The following SRGAP3 variants were observed in gnomAD, a reference collection of about 807,000 sequenced individuals.
SRGAP3 encodes the protein SLIT-ROBO Rho GTPase activating protein 3.
A neutral mutation model predicts 121.1 loss-of-function variants in SRGAP3; 39 were observed. That is an observed-to-expected ratio of 0.32 (90% CI 0.25 to 0.42). The LOEUF is 0.42. Among genes scored for constraint, SRGAP3 ranks in the 10% least tolerant of loss-of-function variants. The pLI is 1.00. For missense variants in SRGAP3, 1,213 were observed against 1,470.6 expected, an observed-to-expected ratio of 0.82 and a Z score of 2.86; for synonymous variants, 601 against 570.0, an observed-to-expected ratio of 1.05 and a Z score of -0.77.
chr3:9,268,296 G>GTCTCTC (rs71626912), intron 3 of SRGAP3, among the ~76,000 whole-genome samples: 25,518 of 147,488 alleles, frequency 0.17, 2,594 homozygotes, highest in Non-Finnish European at 0.24. Flanking sequence ...AGAGAGAAGA[G>GTCTCTC]TCTCTCTCTC....
intron 1 of SRGAP3, among the ~76,000 whole-genome samples, chr3:9,139,884 C>G (rs912786200): frequency 1.3e-5 from 2 of 152,070 alleles, no homozygotes; most frequent in African/African-American, 4.8e-5. Context: ...GCAAGATTTG[C>G]ATGATCTAGA....
chr3:9,105,375 C>T (rs1045710979), intron 2 of SRGAP3, among the ~76,000 whole-genome samples: 15 of 152,102 alleles, frequency 9.9e-5, no homozygotes, highest in African/African-American at 3.6e-4. Context: ...GGGAAAGGGG[C>T]TAGGAGGGCT....
intron 2 of SRGAP3, among the ~76,000 whole-genome samples, chr3:9,121,998 G>C (rs1235415115): frequency 6.6e-6 from 1 of 152,172 alleles, no homozygotes; most frequent in Non-Finnish European, 1.5e-5. Context: ...AGGCCAAGGA[G>C]GCAGAGAAGA....
Position 9,173,511 on chromosome 3 carries a change from G to A in SRGAP3, c.68-48594C>T, listed in dbSNP as rs1182273712. ...AGCTGAGCAAAGAGGCAGTTTGAATGAACTAGAATAAGAGCAGAGAGGAGA... is the reference window on the plus strand; with the variant it reads ...AGCTGAGCAAAGAGGCAGTTTGAATAAACTAGAATAAGAGCAGAGAGGAGA... On this transcript the variant is annotated intron_variant, in intron 1 of 21. Transcript: ENST00000383836. 2.0e-5 allele frequency among the ~76,000 whole-genome samples: 3 copies of A among 152,230 alleles called. No individual in the cohort carries two copies. The East Asian group carries it at 5.8e-4, about 29-fold the overall frequency.
chr3:9,100,300 G>T (rs1948167113), intron 3 of SRGAP3, among the ~76,000 whole-genome samples: 1 of 152,042 alleles, frequency 6.6e-6, no homozygotes, highest in Non-Finnish European at 1.5e-5. Flanking sequence ...CCATTCAGCA[G>T]GCTCTTATTC....
intron 4 of SRGAP3, among the ~76,000 whole-genome samples, chr3:9,076,258 T>C (rs1444567630): frequency 1.3e-5 from 2 of 152,204 alleles, no homozygotes; most frequent in African/African-American, 2.4e-5. Context: ...TCGAGGTAGT[T>C]TGTTACACAG....
chr3:9,173,217 C>T (rs1951052769), intron 1 of SRGAP3, among the ~76,000 whole-genome samples: 1 of 152,240 alleles, frequency 6.6e-6, no homozygotes, highest in South Asian at 2.1e-4. Context: ...TGGAGCAGCA[C>T]TGCACACAGA....
Position 8,980,884 on chromosome 3 carries a change from T to A in SRGAP3, c.*4635A>T, listed in dbSNP as rs1177712528. The A allele has an allele frequency of 4.3e-6, 1 of 233,440 alleles. No homozygotes were observed. Among genetic ancestry groups the A allele is most frequent in the East Asian group, 6.0e-5 (1 of 16,576 alleles). The allele number at this position is 233,440 out of a possible 1,614,324, so 14.5% of individuals were successfully genotyped here. On this transcript the variant is annotated 3_prime_UTR_variant, in exon 22 of 22. Transcript: ENST00000383836. The stretch of plus-strand genomic sequence containing the variant: ...CTGAAGCAATCAGAATCAAACCTAT[T>A]GCCAAACCATGTAAACAGTCACACT...
intron 3 of SRGAP3, among the ~76,000 whole-genome samples, chr3:9,288,928 G>A (rs571900541): frequency 1.2e-3 from 173 of 150,190 alleles, no homozygotes; most frequent in Non-Finnish European, 1.9e-3. Flanking sequence ...ATGGAGTCTC[G>A]CTCTGTCACC....
chr3:9,050,957 G>T (rs1028291023), intron 9 of SRGAP3, among the ~76,000 whole-genome samples: 2 of 144,794 alleles, frequency 1.4e-5, no homozygotes, highest in African/African-American at 5.0e-5. Context: ...GTGGAAGTTA[G>T]AATTGGGTGG....
intron 3 of SRGAP3, among the ~76,000 whole-genome samples, chr3:9,094,536 A>G (rs1451512304): frequency 6.6e-6 from 1 of 152,158 alleles, no homozygotes; most frequent in African/African-American, 2.4e-5. Flanking sequence ...CAGCACTGTT[A>G]CTAGATACTG....
intron 21 of SRGAP3, among the ~76,000 whole-genome samples, chr3:8,986,919 G>A (rs1295503769): frequency 1.3e-5 from 2 of 152,228 alleles, no homozygotes; most frequent in Non-Finnish European, 2.9e-5. Flanking sequence ...CCACAGGGCA[G>A]CTTCCCTCAG....
intron 1 of SRGAP3, among the ~76,000 whole-genome samples, chr3:9,334,109 A>G (rs560920489): frequency 1.3e-5 from 2 of 152,240 alleles, no homozygotes; most frequent in East Asian, 3.9e-4. Flanking sequence ...TCACAGGATG[A>G]TTGCTGTAAG....
At chr3:9,273,261 C>A (rs1249490534) in intron 3 of SRGAP3, among the ~76,000 whole-genome samples, 1 of 152,202 alleles carries the variant, frequency 6.6e-6, no homozygotes, top group Non-Finnish European at 1.5e-5. Flanking sequence ...ACCAGCCAGT[C>A]ACCTTCTGCT....
intron 4 of SRGAP3, among the ~76,000 whole-genome samples, chr3:9,079,458 G>T (rs1947135102): frequency 6.6e-6 from 1 of 152,156 alleles, no homozygotes; most frequent in African/African-American, 2.4e-5. Context: ...GTTAGATGTT[G>T]ACTCCAAGCA....
intron 17 of SRGAP3, among the ~76,000 whole-genome samples, chr3:9,011,147 G>A (rs1943351408): frequency 6.6e-6 from 1 of 152,054 alleles, no homozygotes; most frequent in South Asian, 2.1e-4. Flanking sequence ...GCTTCATGTT[G>A]CTTACATTGT....
At chr3:9,049,360 A>T in intron 9 of SRGAP3, 1 of 455,952 alleles carries the variant, frequency 2.2e-6, no homozygotes, top group Non-Finnish European at 4.4e-6. Flanking sequence ...ATTGGCCATT[A>T]AGAGTCACTC....
chr3:9,124,789 T>G lies in SRGAP3; in HGVS notation c.196A>C (p.Ser66Arg). 6.2e-7 allele frequency: 1 copy of G among 1,614,220 alleles called. No homozygotes were observed. The highest frequency in any genetic ancestry group is 8.5e-7 in the Non-Finnish European group (1 of 1,180,048). ...KAEIELEYSR[S>R]LEKLAERFSS... ...AAGCGCTCAGCCAGCTTCTCCAGGC[T>G]GCGGGAGTACTCGAGCTCAATCTCA... is the stretch of plus-strand genomic sequence containing the variant. The change falls in exon 2 of 22, where the codon AGC becomes CGC. Residue 66 changes from serine to arginine, a missense_variant. By Grantham distance (110) the Ser-to-Arg change is moderately radical. Around this residue, in one of 2 missense-constraint regions of SRGAP3, gnomAD observed 793 missense variants for 1,032.9 expected, o/e 0.77. Coordinates refer to ENST00000383836, the MANE Select transcript of SRGAP3 (RefSeq NM_014850.4).
At chr3:9,067,949 G>GAAATA (rs1946507007) in intron 4 of SRGAP3, among the ~76,000 whole-genome samples, 1 of 152,104 alleles carries the variant, frequency 6.6e-6, no homozygotes, top group African/African-American at 2.4e-5. Flanking sequence ...ATGTAAAGAA[G>GAAATA]AAATAAAATA....
Sources: gnomAD v4.1 joint callset for allele counts (sites outside exome capture counted in the v4.1 genomes callset) on GRCh38, gnomAD v4.1.1 for gene constraint, gnomAD v4.1.1 regional missense constraint, MANE v1.5 for transcripts, NCBI Gene and HGNC (gene_info 2026-07-23, HGNC 2026-07-21) for gene names.